Variants in SRCIN1 observed in about 807,000 individuals in gnomAD.
SRCIN1 encodes the protein P130Cas-associated protein.
Under a neutral mutation model 116.2 loss-of-function variants are expected in SRCIN1, and 50 were observed. The observed-to-expected ratio is 0.43, with a 90% CI of 0.34 to 0.54. SRCIN1 has a LOEUF of 0.54. Among genes scored for constraint, SRCIN1 ranks in the 20% least tolerant of loss-of-function variants. The probability of loss-of-function intolerance (pLI) is 0.02; values close to 1 mark genes in which losing one functional copy is unlikely to be tolerated. For synonymous variants in SRCIN1, 736 were observed against 750.0 expected, an observed-to-expected ratio of 0.98 and a Z score of 0.30; for missense variants, 1,446 against 1,672.0, an observed-to-expected ratio of 0.86 and a Z score of 2.36.
intron 10 of SRCIN1, 128 bp downstream of exon 10, chr17:38,559,457 G>A (rs555252477): frequency 8.5e-5 from 82 of 968,090 alleles, no homozygotes; most frequent in Non-Finnish European, 1.2e-4. Context: ...GCCAGTGAGC[G>A]GCGAAGGACT....
chr17:38,594,420 G>A (rs1362704701), intron 1 of SRCIN1, among the ~76,000 whole-genome samples: 1 of 152,208 alleles, frequency 6.6e-6, no homozygotes, highest in Non-Finnish European at 1.5e-5. Context: ...TCCCCCAGCT[G>A]CCCACCCAGA....
chr17:38,545,890 C>T (rs925331146), intron 17 of SRCIN1, among the ~76,000 whole-genome samples: 8 of 152,296 alleles, frequency 5.3e-5, no homozygotes, highest in Admixed American at 1.3e-4. Flanking sequence ...ATGGAATGGC[C>T]GAGACCTTTG....
chr17:38,575,541 G>A (rs940353709), intron 2 of SRCIN1, among the ~76,000 whole-genome samples: 3 of 152,166 alleles, frequency 2.0e-5, no homozygotes, highest in South Asian at 2.1e-4. Flanking sequence ...GAGCCACTGC[G>A]CCCGGCCTCA....
chr17:38,557,154 C>T (rs953404991), intron 11 of SRCIN1, among the ~76,000 whole-genome samples: 13 of 152,310 alleles, frequency 8.5e-5, no homozygotes, highest in Non-Finnish European at 1.6e-4. Flanking sequence ...TGCTAAAATG[C>T]ACATGTACCA....
chr17:38,606,054 C>A (rs1483571337), upstream of SRCIN1: 1 of 104,246 alleles, frequency 9.6e-6, no homozygotes, highest in Non-Finnish European at 2.0e-5. This position sits in a 1 kb window ranked among gnomAD's most constrained non-coding sequence, Gnocchi z 5.2. Context: ...CCCGGGGCGG[C>A]GGGGGCGGGG....
At chr17:38,548,843 C>A in intron 16 of SRCIN1, 134 bp from the exon 17 acceptor site, 1 of 1,318,188 alleles carries the variant, frequency 7.6e-7, no homozygotes, top group Non-Finnish European at 1.0e-6. Flanking sequence ...CCAGGGTGTC[C>A]CTCAACAGAC....
Position 38,552,646 on chromosome 17 carries a change from G to T in SRCIN1, c.2333-52C>A, listed in dbSNP as rs1905512066. ...GGGCCAGAGGGAGCACCACAGACTG[G>T]GAGGAGAGGATGGTGGCTGGAGTAT... On this transcript the variant is annotated intron_variant, in intron 12 of 18. Coordinates refer to ENST00000617146, the MANE Select transcript of SRCIN1 (RefSeq NM_025248.3). The surrounding 1 kb of genome is among the most constrained non-coding windows in gnomAD (Gnocchi z 5.3). 1 of 1,613,044 alleles carries T rather than the reference G, an allele frequency of 6.2e-7. No individual in the cohort carries two copies. The highest frequency in any genetic ancestry group is 8.5e-7 in the Non-Finnish European group (1 of 1,179,796).
rs754529207 is a variant in SRCIN1 at position 38,562,717 on chromosome 17, G to T, written c.834+110C>A. On this transcript the variant is annotated intron_variant, in intron 6 of 18. Coordinates refer to ENST00000617146, the MANE Select transcript of SRCIN1 (RefSeq NM_025248.3). The surrounding 1 kb of genome is among the most constrained non-coding windows in gnomAD (Gnocchi z 4.2). ...TCTTCCCTAACCCCTCAGCCCCTAT[G>T]CTGTCTTCTCCAAAGCTGGCCCTGG... 52 of 946,480 alleles carry T rather than the reference G, an allele frequency of 5.5e-5. No homozygotes were observed. The highest frequency in any genetic ancestry group is 8.3e-5 in the Non-Finnish European group (51 of 615,356). 58.6% of individuals were successfully genotyped at this position (946,480 alleles called of 1,614,324 possible).
intron 14 of SRCIN1, chr17:38,551,598 C>T (rs1597892957): frequency 1.7e-5 from 11 of 643,862 alleles, no homozygotes; most frequent in Admixed American, 1.2e-4. Context: ...ATACTACATT[C>T]GTGATAAACT....
intron 4 of SRCIN1, 93 bp downstream of exon 4, chr17:38,564,025 C>G: frequency 1.4e-6 from 2 of 1,381,354 alleles, no homozygotes; most frequent in South Asian, 1.3e-5. Flanking sequence ...TTGAGGCGAG[C>G]TGGCGTGCTG....
rs1909322536 is a variant in SRCIN1, at chr17:38,605,722, G to A, written c.-17C>T. ...GTTCCCCATCGGGCGGGGGCGCGGG[G>A]GGCGGGGGCCCCGGGCCGGCCTGCC... is the stretch of plus-strand genomic sequence containing the variant. On this transcript the variant is annotated 5_prime_UTR_variant, in exon 1 of 19. Coordinates refer to ENST00000617146, the MANE Select transcript of SRCIN1 (RefSeq NM_025248.3). 1 of 1,182,718 alleles carries A rather than the reference G, an allele frequency of 8.5e-7. No individual in the cohort carries two copies. The highest frequency in any genetic ancestry group is 1.1e-6 in the Non-Finnish European group (1 of 946,310). 73.3% of individuals were successfully genotyped at this position (1,182,718 alleles called of 1,614,324 possible).
In SRCIN1 at chr17:38,601,975, G is replaced by C. The variant is rs562855696; in HGVS notation, c.22+3709C>G. On this transcript the variant is annotated intron_variant, in intron 1 of 18. Transcript: ENST00000617146. ...CAGGAGAAATTGACGAACAGGGAGCGGGAGGGGAGGAATGGGAAGACGGAA... is the reference window on the plus strand; with the variant it reads ...CAGGAGAAATTGACGAACAGGGAGCCGGAGGGGAGGAATGGGAAGACGGAA... Among the ~76,000 whole-genome samples the C allele has an allele frequency of 6.6e-5, 10 of 152,190 alleles. No homozygotes were observed. The South Asian group carries it at 1.7e-3, about 25-fold the overall frequency.
rs962017077 is a variant in SRCIN1 at position 38,600,511 on chromosome 17, G to A, written c.22+5173C>T. ...CTCACTGACCATCTCTGAGGCCCAG[G>A]TTTCAGCACACACATCCCCAGAGCC... On this transcript the variant is annotated intron_variant, in intron 1 of 18. Coordinates refer to ENST00000617146, the MANE Select transcript of SRCIN1 (RefSeq NM_025248.3). 1.6e-4 allele frequency among the ~76,000 whole-genome samples: 25 copies of A among 152,230 alleles called. 1 individual carries two copies. Among genetic ancestry groups the A allele is most frequent in the Admixed American group, 6.5e-5 (1 of 15,288 alleles).
At chr17:38,557,805 T>C (rs924975438) in intron 11 of SRCIN1, among the ~76,000 whole-genome samples, 4 of 152,204 alleles carry the variant, frequency 2.6e-5, no homozygotes, top group Non-Finnish European at 5.9e-5. Context: ...TGATGGCTGG[T>C]CAGCGCCAGG....
rs1042919120 is a variant in SRCIN1, at chr17:38,562,665, G to C, written c.834+162C>G. On this transcript the variant is annotated intron_variant, in intron 6 of 18. Transcript: ENST00000617146. This position sits in a 1 kb window ranked among gnomAD's most constrained non-coding sequence, Gnocchi z 4.2. Reference sequence around the variant, plus strand: ...CCCGAGTGGACAGGCCCGGAATGGAGGGGAAAGTGGCAGGTGGGACAGGGG... The same window carrying C: ...CCCGAGTGGACAGGCCCGGAATGGACGGGAAAGTGGCAGGTGGGACAGGGG... Among the ~76,000 whole-genome samples, 7 of 152,208 alleles carry C rather than the reference G, an allele frequency of 4.6e-5. No homozygotes were observed. The highest frequency in any genetic ancestry group is 1.0e-4 in the Non-Finnish European group (7 of 68,034).
intron 17 of SRCIN1, chr17:38,547,767 T>C: frequency 3.2e-6 from 1 of 310,968 alleles, no homozygotes. Context: ...ACCTTCCGTG[T>C]AGGGCCTGGG....
Position 38,530,158 on chromosome 17 carries a change from AC to A in SRCIN1, c.*3138del, listed in dbSNP as rs2040900000. 2 of 152,344 alleles carry A rather than the reference AC, an allele frequency of 1.3e-5. No homozygotes were observed. Among genetic ancestry groups the A allele is most frequent in the Middle Eastern group, 6.8e-3 (2 of 294 alleles). The allele number at this position is 152,344 out of a possible 1,614,324, so 9.4% of individuals were successfully genotyped here. On this transcript the variant is annotated 3_prime_UTR_variant, in exon 19 of 19. Coordinates refer to ENST00000617146, the MANE Select transcript of SRCIN1 (RefSeq NM_025248.3). ...AAAGAGAGACAGAGAAAACACAGCAACCCTTTTCCATTTAGAAATTGTCAAG... is the reference window on the plus strand; with the variant it reads ...AAAGAGAGACAGAGAAAACACAGCAACCTTTTCCATTTAGAAATTGTCAAG...
intron 2 of SRCIN1, among the ~76,000 whole-genome samples, chr17:38,570,032 G>A (rs963084022): frequency 2.6e-5 from 4 of 152,074 alleles, no homozygotes; most frequent in Admixed American, 2.0e-4. Context: ...AGGCACGGGC[G>A]GCGCACACAT....
intron 1 of SRCIN1, among the ~76,000 whole-genome samples, chr17:38,591,792 C>T (rs1908457560): frequency 1.3e-5 from 2 of 152,182 alleles, no homozygotes; most frequent in Admixed American, 1.3e-4. Context: ...TGGTGCCTGG[C>T]CTTGCTAATG....
Sources: gnomAD v4.1 joint callset for allele counts (sites outside exome capture counted in the v4.1 genomes callset) on GRCh38, gnomAD v4.1.1 for gene constraint, Gnocchi (gnomAD v3.1) non-coding constraint, MANE v1.5 for transcripts, NCBI Gene and HGNC (gene_info 2026-07-23, HGNC 2026-07-21) for gene names.